Variants in RCAN1 observed in about 807,000 individuals in gnomAD.
RCAN1 encodes calcipressin-1.
Under a neutral mutation model 22.9 loss-of-function variants are expected in RCAN1, and 11 were observed. The observed-to-expected ratio is 0.48, with a 90% CI of 0.30 to 0.79. The LOEUF (loss-of-function observed/expected upper bound fraction) is 0.79, where lower values mean the gene tolerates loss of function less well. Among genes scored for constraint, RCAN1 ranks in the 30% least tolerant of loss-of-function variants. The probability of loss-of-function intolerance (pLI) is 0.06; values close to 1 mark genes in which losing one functional copy is unlikely to be tolerated. For missense variants in RCAN1, 291 were observed against 337.8 expected (o/e 0.86, Z 1.09); for synonymous variants, 136 against 142.3 (o/e 0.96, Z 0.32).
At chr21:34,559,161 C>A (rs943114911) in intron 1 of RCAN1, 1 of 151,986 alleles carries the variant, frequency 6.6e-6, no homozygotes, top group Non-Finnish European at 1.5e-5. Flanking sequence ...CTACTTATTC[C>A]AGGAATAGTT....
rs544494285 is a variant in RCAN1 at position 34,590,259 on chromosome 21, G to A, written c.252+24501C>T. ...CACAGCCCCCATGTGCTTAATTCCA[G>A]CAGCAATCGCAATCTAATAAACTAA... On this transcript the variant is annotated intron_variant, in intron 1 of 3. Coordinates refer to ENST00000313806, the MANE Select transcript of RCAN1 (RefSeq NM_004414.7). Among the ~76,000 whole-genome samples the A allele has an allele frequency of 1.1e-4, 16 of 152,266 alleles. 1 individual carries two copies. In the South Asian group the frequency reaches 1.9e-3, roughly 18 times the overall value.
chr21:34,571,672 C>A (rs569880014), intron 1 of RCAN1, among the ~76,000 whole-genome samples: 2 of 152,302 alleles, frequency 1.3e-5, no homozygotes, highest in South Asian at 4.1e-4. Flanking sequence ...CCTCCCACCT[C>A]AGCCTCCTGA....
In RCAN1 at chr21:34,579,972, G is replaced by C. The variant is rs925328732; in HGVS notation, c.252+34788C>G. The stretch of plus-strand genomic sequence containing the variant: ...CACTGCTAACCTATCTCCTAGGGCT[G>C]CTGAGAATCCACAGGGAAATTACTA... On this transcript the variant is annotated intron_variant, in intron 1 of 3. Coordinates refer to ENST00000313806, the MANE Select transcript of RCAN1 (RefSeq NM_004414.7). Among the ~76,000 whole-genome samples, 16 of 152,314 alleles carry C rather than the reference G, an allele frequency of 1.1e-4. No homozygotes were observed. In the East Asian group the frequency reaches 3.1e-3, roughly 29 times the overall value.
At chr21:34,598,958 G>A (rs544023324) in intron 1 of RCAN1, among the ~76,000 whole-genome samples, 15 of 152,190 alleles carry the variant, frequency 9.9e-5, no homozygotes, top group South Asian at 4.1e-4. Flanking sequence ...ACTATTTTAC[G>A]TCTATCAGAG....
chr21:34,599,060 C>T (rs1988252759), intron 1 of RCAN1, among the ~76,000 whole-genome samples: 1 of 152,092 alleles, frequency 6.6e-6, no homozygotes, highest in African/African-American at 2.4e-5. Context: ...GGTAATACAT[C>T]AGTATAAACA....
At chr21:34,559,460 G>A (rs915869623) in intron 1 of RCAN1, 1 of 152,092 alleles carries the variant, frequency 6.6e-6, no homozygotes, top group African/African-American at 2.4e-5. Flanking sequence ...TCATTTGTAA[G>A]GTATACAAAT....
chr21:34,578,308 G>T (rs1192772862), intron 1 of RCAN1, among the ~76,000 whole-genome samples: 2 of 152,150 alleles, frequency 1.3e-5, no homozygotes, highest in African/African-American at 4.8e-5. Context: ...TATTAAATGA[G>T]TTCCGTGAAT....
intron 1 of RCAN1, among the ~76,000 whole-genome samples, chr21:34,545,533 C>G (rs1367343883): frequency 6.6e-6 from 1 of 152,194 alleles, no homozygotes; most frequent in Admixed American, 6.5e-5. Context: ...CCCCAGTATG[C>G]TTCCTTGAAG....
At chr21:34,544,743 T>C (rs187125756) in intron 1 of RCAN1, among the ~76,000 whole-genome samples, 26 of 152,136 alleles carry the variant, frequency 1.7e-4, no homozygotes, top group East Asian at 1.4e-3. Flanking sequence ...GTCCCCAAGA[T>C]AGAAAGTAAA....
intron 1 of RCAN1, among the ~76,000 whole-genome samples, chr21:34,578,174 A>T (rs1601193457): frequency 6.6e-6 from 1 of 152,272 alleles, no homozygotes; most frequent in African/African-American, 2.4e-5. Flanking sequence ...GCGTTAGGGA[A>T]TGTAAGATCT....
chr21:34,569,221 T>C lies in RCAN1; in HGVS notation c.253-45511A>G, dbSNP rs145892976. On this transcript the variant is annotated intron_variant, in intron 1 of 3. Coordinates refer to ENST00000313806, the MANE Select transcript of RCAN1 (RefSeq NM_004414.7). The stretch of plus-strand genomic sequence containing the variant: ...CAGTATTATTTAGTCACACTATAGG[T>C]TGCATAGGTTTCTGTGGGCTTGAGA... 5.4e-3 allele frequency among the ~76,000 whole-genome samples: 825 copies of C among 152,318 alleles called. 4 individuals are homozygous for C. Among genetic ancestry groups the C allele is most frequent in the Non-Finnish European group, 8.9e-3 (605 of 68,024 alleles).
chr21:34,558,498 C>T (rs2123659690), intron 1 of RCAN1, among the ~76,000 whole-genome samples: 1 of 152,318 alleles, frequency 6.6e-6, no homozygotes, highest in Non-Finnish European at 1.5e-5. Flanking sequence ...AAACGTTCAT[C>T]ATTGTTTAAG....
chr21:34,521,284 C>A (rs755948456), intron 3 of RCAN1: 1 of 1,445,720 alleles, frequency 6.9e-7, no homozygotes, highest in Non-Finnish European at 9.1e-7. Flanking sequence ...AGGGTCCCCA[C>A]GATCAGCCGC....
chr21:34,523,989 G>A (rs925060638), intron 1 of RCAN1: 39 of 264,204 alleles, frequency 1.5e-4, no homozygotes, highest in Non-Finnish European at 2.1e-4. Flanking sequence ...TGCCATGTTG[G>A]CAAGGCTGGT....
At chr21:34,523,878 G>A in intron 1 of RCAN1, 168 bp from the exon 2 acceptor site, 1 of 481,024 alleles carries the variant, frequency 2.1e-6, no homozygotes. Flanking sequence ...CACCTCCCAG[G>A]TTCAAGTGAT....
At chr21:34,581,036 C>A (rs189027651) in intron 1 of RCAN1, among the ~76,000 whole-genome samples, 1 of 152,158 alleles carries the variant, frequency 6.6e-6, no homozygotes, top group Admixed American at 6.5e-5. Flanking sequence ...ACCCAGAAGT[C>A]ACGAGTCGGG....
chr21:34,523,758 T>C, intron 1 of RCAN1, 48 bp from the exon 2 acceptor site: 2 of 1,458,306 alleles, frequency 1.4e-6, no homozygotes, highest in Non-Finnish European at 1.9e-6. Context: ...TACCTGCATA[T>C]GACCCTTGAC....
At chr21:34,572,426 A>G (rs1406045450) in intron 1 of RCAN1, among the ~76,000 whole-genome samples, 1 of 152,154 alleles carries the variant, frequency 6.6e-6, no homozygotes, top group African/African-American at 2.4e-5. Context: ...GAGGTGGCAC[A>G]GGGGGTGACT....
intron 1 of RCAN1, among the ~76,000 whole-genome samples, chr21:34,600,003 G>A (rs1259256527): frequency 6.6e-6 from 1 of 152,108 alleles, no homozygotes; most frequent in African/African-American, 2.4e-5. Context: ...GTAGATAAGG[G>A]ATAAGTTACC....
Sources: allele counts gnomAD v4.1 joint callset (sites outside exome capture counted in the v4.1 genomes callset), GRCh38; gene constraint gnomAD v4.1.1; transcripts MANE v1.5; gene names NCBI Gene and HGNC (gene_info 2026-07-23, HGNC 2026-07-21).